FRMPD1: variants seen among roughly 807,000 people sequenced by gnomAD.
FRMPD1 encodes the protein FERM and PDZ domain-containing protein 1.
FRMPD1 carries 76 observed loss-of-function variants against 117.8 expected under a neutral mutation model. The ratio of observed to expected loss-of-function variants is 0.65; its 90% CI spans 0.54 to 0.78. The LOEUF is 0.78. FRMPD1 is among the 30% of genes least tolerant of loss of function. FRMPD1 has a pLI of 0.00. For missense variants in FRMPD1, 1,786 were observed against 1,964.5 expected, an observed-to-expected ratio of 0.91 and a Z score of 1.72; for synonymous variants, 783 against 770.4, an observed-to-expected ratio of 1.02 and a Z score of -0.27.
In FRMPD1 at chr9:37,745,779, T is replaced by C. The variant is rs759549637; in HGVS notation, c.3747T>C (p.Cys1249=). 1.2e-6 allele frequency: 2 copies of C among 1,614,092 alleles called. No homozygotes were observed. The highest frequency in any genetic ancestry group is 4.5e-5 in the East Asian group (2 of 44,884). Residue 1249 remains cysteine, a synonymous_variant, in exon 16 of 16, where the codon TGT becomes TGC. Transcript: ENST00000377765. ...IAPRDSPEWV[C]FNPEPSLPEP... is the part of the protein sequence containing the mutation. ...CTAGGGACAGCCCTGAGTGGGTCTG[T>C]TTTAATCCTGAGCCTTCCCTGCCAG...
At chr9:37,636,859 G>T in the FRMPD1 span, 11 of 1,611,218 alleles carry the variant, frequency 6.8e-6, no homozygotes, top group Non-Finnish European at 8.5e-6. Context: ...CCAAGAAGGG[G>T]ATGCCCAAAG....
intron 2 of FRMPD1, among the ~76,000 whole-genome samples, chr9:37,697,711 AT>A (rs2118073506): frequency 6.6e-6 from 1 of 152,380 alleles, no homozygotes; most frequent in East Asian, 1.9e-4. Context: ...AAACTAATTA[AT>A]TTTTAACCTT....
At chr9:37,682,221 C>G (rs549238959) in intron 1 of FRMPD1, among the ~76,000 whole-genome samples, 1 of 152,206 alleles carries the variant, frequency 6.6e-6, no homozygotes, top group Non-Finnish European at 1.5e-5. Flanking sequence ...TTTAACCTCT[C>G]CAAGCCTCAA....
chr9:37,701,799 A>G (rs942075410), intron 2 of FRMPD1, among the ~76,000 whole-genome samples: 1 of 152,168 alleles, frequency 6.6e-6, no homozygotes, highest in Non-Finnish European at 1.5e-5. Flanking sequence ...ATGGAGAATC[A>G]TTCAGGAAAG....
chr9:37,667,062 C>CTTTTTT lies in FRMPD1; in HGVS notation c.-5+15979_-5+15984dup, dbSNP rs573955616. Among the ~76,000 whole-genome samples the CTTTTTT allele has an allele frequency of 1.7e-3, 193 of 111,036 alleles. 14 individuals are homozygous for CTTTTTT. Among genetic ancestry groups the CTTTTTT allele is most frequent in the African/African-American group, 7.2e-3 (181 of 25,312 alleles). 72.8% of individuals were successfully genotyped at this position (111,036 alleles called of 152,430 possible). On this transcript the variant is annotated intron_variant, in intron 1 of 15. Coordinates refer to ENST00000377765, the MANE Select transcript of FRMPD1 (RefSeq NM_014907.3). The stretch of plus-strand genomic sequence containing the variant: ...GGAAAAGAGAGACAATTGAAGCATG[C>CTTTTTT]TTTTTTTTTTTTTTTTCCTGAGACA...
At position 37,746,523 on chromosome 9, in the gene FRMPD1, G is replaced by T. The variant is rs748761825; in HGVS notation, c.4491G>T (p.Leu1497=). The T allele has an allele frequency of 6.2e-7, 1 of 1,613,550 alleles. No homozygotes were observed. The highest frequency in any genetic ancestry group is 8.5e-7 in the Non-Finnish European group (1 of 1,180,016). The change falls in exon 16 of 16, where the codon CTG becomes CTT. Residue 1497 remains leucine (L), a synonymous_variant. Coordinates refer to ENST00000377765, the MANE Select transcript of FRMPD1 (RefSeq NM_014907.3). ...CCGTGCGTGACACCTTCCAGCACCT[G>T]GTCCAGCTGGCCGGCCTGTGCTTTC... is the stretch of plus-strand genomic sequence containing the variant. The part of the protein sequence containing the change: ...QGAVRDTFQH[L]VQLAGLCFQF...
At chr9:37,726,089 C>T (rs1253537467) in intron 7 of FRMPD1, among the ~76,000 whole-genome samples, 1 of 152,110 alleles carries the variant, frequency 6.6e-6, no homozygotes, top group Non-Finnish European at 1.5e-5. Context: ...GGGAAATGAA[C>T]AAGGACTTAG....
the FRMPD1 span, among the ~76,000 whole-genome samples, chr9:37,623,469 T>A: frequency 2.0e-5 from 3 of 152,166 alleles, no homozygotes; most frequent in African/African-American, 7.2e-5. Context: ...AACCTTGAAG[T>A]CTGTGAAGAG....
At chr9:37,667,947 A>G (rs1250836116) in intron 1 of FRMPD1, 4 of 152,082 alleles carry the variant, frequency 2.6e-5, no homozygotes, top group Non-Finnish European at 5.9e-5. Flanking sequence ...GGGGTGACCT[A>G]CCTCCCTGGG....
In FRMPD1 at chr9:37,740,141, C is replaced by G. The variant is rs781577087; in HGVS notation, c.1613C>G (p.Pro538Arg). ...TCTGAGGTGGACTGCGTACTCGAAC[C>G]TCTCTCTGACAGGCGCCTGGTGAAA... ...ESSEVDCVLE[P>R]LSDRRLVKLA... The change falls in exon 15 of 16, where the codon CCT (proline) becomes CGT (arginine). Residue 538 changes from proline (P) to arginine (R), a missense_variant. Physicochemically the swap from Pro to Arg is moderately radical, Grantham distance 103. Coordinates refer to ENST00000377765, the MANE Select transcript of FRMPD1 (RefSeq NM_014907.3). The surrounding 1 kb of genome is among the most constrained non-coding windows in gnomAD (Gnocchi z 4.2). 4 of 1,613,738 alleles carry G rather than the reference C, an allele frequency of 2.5e-6. No homozygotes were observed. In the East Asian group the frequency reaches 6.7e-5, roughly 27 times the overall value.
chr9:37,603,641 A>C, the FRMPD1 span, among the ~76,000 whole-genome samples: 11 of 151,818 alleles, frequency 7.2e-5, no homozygotes, highest in South Asian at 2.3e-3. Context: ...ATTGGCTAAT[A>C]GGTTTTTTGT....
intron 15 of FRMPD1, among the ~76,000 whole-genome samples, chr9:37,742,852 T>C (rs944678085): frequency 2.6e-5 from 4 of 152,016 alleles, no homozygotes; most frequent in Non-Finnish European, 2.9e-5. Flanking sequence ...TGAGCCGAGA[T>C]TGCACCACTG....
At chr9:37,637,112 A>G in the FRMPD1 span, 1 of 1,598,602 alleles carries the variant, frequency 6.3e-7, no homozygotes, top group Non-Finnish European at 8.6e-7. Context: ...CGTGTCCCAG[A>G]TCTGAAGTTT....
chr9:37,732,552 G>C, intron 10 of FRMPD1, 112 bp downstream of exon 10: 1 of 1,067,396 alleles, frequency 9.4e-7, no homozygotes, highest in Non-Finnish European at 1.3e-6. Flanking sequence ...TCTGTCTGTT[G>C]TCTTTCCATC....
chr9:37,735,431 TG>T, intron 12 of FRMPD1, 120 bp from the exon 13 acceptor site: 1 of 708,368 alleles, frequency 1.4e-6, no homozygotes, highest in Non-Finnish European at 2.5e-6. Flanking sequence ...TCTGGAGGAG[TG>T]GTGGTTAGGA....
At position 37,745,429 on chromosome 9, in the gene FRMPD1, T is replaced by G. The variant is rs1490895237; in HGVS notation, c.3397T>G (p.Ser1133Ala). Residue 1133 changes from serine to alanine, a missense_variant, in exon 16 of 16, where the codon TCA becomes GCA. Physicochemically the swap from Ser to Ala is moderately conservative, Grantham distance 99 (BLOSUM62 1). Coordinates refer to ENST00000377765, the MANE Select transcript of FRMPD1 (RefSeq NM_014907.3). Reference sequence around the variant, plus strand: ...ATTTCAGGAGGAGTCTAGGAAGGATTCAGGTGACTCCCCGGGTGATGTGTC... The same window carrying G: ...ATTTCAGGAGGAGTCTAGGAAGGATGCAGGTGACTCCCCGGGTGATGTGTC... Reference protein sequence around the residue: ...NVFQEESRKDSGDSPGDVSNN... With the variant: ...NVFQEESRKDAGDSPGDVSNN... 2 of 1,614,050 alleles carry G rather than the reference T, an allele frequency of 1.2e-6. No individual in the cohort carries two copies. Among genetic ancestry groups the G allele is most frequent in the Non-Finnish European group, 1.7e-6 (2 of 1,179,916 alleles).
intron 2 of FRMPD1, among the ~76,000 whole-genome samples, chr9:37,706,927 T>C (rs749617013): frequency 6.7e-6 from 1 of 148,320 alleles, no homozygotes; most frequent in Non-Finnish European, 1.5e-5. Flanking sequence ...CCTGTTCTTC[T>C]GTCAGTCCGT....
In FRMPD1 at chr9:37,746,689, C is replaced by G; in HGVS notation, c.4657C>G (p.Leu1553Val). The G allele has an allele frequency of 6.2e-7, 1 of 1,614,120 alleles. No individual in the cohort carries two copies. Among genetic ancestry groups the G allele is most frequent in the African/African-American group, 1.3e-5 (1 of 75,072 alleles). ...ERGYHDLSVK[L>V]LARQCTALTA... ...AGGCTACCACGACCTGAGTGTGAAA[C>G]TCCTGGCCCGTCAGTGCACGGCCCT... The change falls in exon 16 of 16, where the codon CTC becomes GTC. Residue 1553 changes from leucine (L) to valine (V), a missense_variant. By Grantham distance (32) the Leu-to-Val change is conservative. Coordinates refer to ENST00000377765, the MANE Select transcript of FRMPD1 (RefSeq NM_014907.3).
intron 5 of FRMPD1, among the ~76,000 whole-genome samples, chr9:37,712,972 G>C (rs1312855425): frequency 6.6e-6 from 1 of 151,932 alleles, no homozygotes; most frequent in Admixed American, 6.6e-5. Context: ...GAGGAAACTA[G>C]ACTATTACTG....
Sources: gnomAD v4.1 joint callset for allele counts (sites outside exome capture counted in the v4.1 genomes callset) on GRCh38, gnomAD v4.1.1 for gene constraint, Gnocchi (gnomAD v3.1) non-coding constraint, MANE v1.5 for transcripts, NCBI Gene and HGNC (gene_info 2026-07-23, HGNC 2026-07-21) for gene names.